The following DSCAML1 variants were observed in gnomAD, a reference collection of about 807,000 sequenced individuals.
The protein encoded by DSCAML1 is DS cell adhesion molecule like 1.
Under a neutral mutation model 200.5 loss-of-function variants are expected in DSCAML1, and 38 were observed. The observed-to-expected ratio is 0.19, with a 90% confidence interval of 0.15 to 0.25. The LOEUF is 0.25. Ranked by LOEUF, DSCAML1 falls within the 10% of genes least tolerant of loss-of-function variation. DSCAML1 has a pLI of 1.00. For missense variants in DSCAML1, 2,223 were observed against 2,858.8 expected (o/e 0.78, Z 5.07); for synonymous variants, 1,215 against 1,165.0 (o/e 1.04, Z -0.87).
chr11:117,689,414 G>T (rs901838030), intron 3 of DSCAML1, among the ~76,000 whole-genome samples: 2 of 152,210 alleles, frequency 1.3e-5, no homozygotes, highest in African/African-American at 4.8e-5. Flanking sequence ...AAACCTTCGG[G>T]GATTTGTAGG....
chr11:117,531,681 C>G (rs1344653003), intron 4 of DSCAML1, among the ~76,000 whole-genome samples: 11 of 151,972 alleles, frequency 7.2e-5, no homozygotes, highest in African/African-American at 2.7e-4. Context: ...GTCAGGAGTT[C>G]AAGACCGGCC....
intron 3 of DSCAML1, among the ~76,000 whole-genome samples, chr11:117,672,564 G>A (rs1431641726): frequency 6.6e-6 from 1 of 152,220 alleles, no homozygotes; most frequent in African/African-American, 2.4e-5. Flanking sequence ...ACAGTTCCCA[G>A]CGACGCAATC....
intron 20 of DSCAML1, among the ~76,000 whole-genome samples, chr11:117,445,318 G>C (rs1231706852): frequency 6.8e-6 from 1 of 147,358 alleles, no homozygotes; most frequent in East Asian, 1.9e-4. Flanking sequence ...GTCTGGCCTT[G>C]AATCCAGGAG....
At chr11:117,703,682 T>C (rs650162) in intron 3 of DSCAML1, among the ~76,000 whole-genome samples, 139,302 of 152,278 alleles carry the variant, frequency 0.91, 64,114 homozygotes, top group Non-Finnish European at 0.97. Flanking sequence ...TTACATCCTT[T>C]AAAAGGCAGC....
At chr11:117,566,358 T>G (rs4999136) in intron 3 of DSCAML1, among the ~76,000 whole-genome samples, 3 of 73,118 alleles carry the variant, frequency 4.1e-5, no homozygotes, top group Non-Finnish European at 8.7e-5. Context: ...CTCTCTCTCT[T>G]TTTTTTTTTT....
chr11:117,717,848 C>G (rs994349559), intron 3 of DSCAML1, among the ~76,000 whole-genome samples: 3 of 152,190 alleles, frequency 2.0e-5, no homozygotes, highest in Non-Finnish European at 4.4e-5. Flanking sequence ...AAAACACACC[C>G]CTTTGGCCCA....
At chr11:117,474,481 G>A (rs1012544733) in intron 14 of DSCAML1, among the ~76,000 whole-genome samples, 5 of 151,944 alleles carry the variant, frequency 3.3e-5, no homozygotes, top group African/African-American at 7.3e-5. Context: ...TCATCTCTGC[G>A]CAGATACCTC....
intron 11 of DSCAML1, among the ~76,000 whole-genome samples, chr11:117,492,243 G>A: frequency 6.6e-6 from 1 of 152,212 alleles, no homozygotes; most frequent in East Asian, 1.9e-4. Context: ...GGGATTGGAA[G>A]AAGGGCAGCA....
chr11:117,504,114 A>G lies in DSCAML1; in HGVS notation c.2183-93T>C. On this transcript the variant is annotated intron_variant, in intron 10 of 32. Coordinates refer to ENST00000651296, the MANE Select transcript of DSCAML1 (RefSeq NM_020693.4). The surrounding 1 kb of genome is among the most constrained non-coding windows in gnomAD (Gnocchi z 5.0). ...TGGCCCTGACACCTCGCTCTTGCAGATCTAGGGCCATTTTGTAGCAGAGCT... is the reference window on the plus strand; with the variant it reads ...TGGCCCTGACACCTCGCTCTTGCAGGTCTAGGGCCATTTTGTAGCAGAGCT... 1 of 1,422,616 alleles carries G rather than the reference A, an allele frequency of 7.0e-7. No homozygotes were observed. Among genetic ancestry groups the G allele is most frequent in the Non-Finnish European group, 9.6e-7 (1 of 1,037,408 alleles). 88.1% of individuals were successfully genotyped at this position (1,422,616 alleles called of 1,614,324 possible).
At chr11:117,541,457 CT>C (rs2050267371) in intron 3 of DSCAML1, among the ~76,000 whole-genome samples, 1 of 152,204 alleles carries the variant, frequency 6.6e-6, no homozygotes. Flanking sequence ...GAGGAGGCAT[CT>C]CCACATGGGG....
Position 117,521,254 on chromosome 11 carries a change from G to A in DSCAML1, c.1089C>T (p.Ile363=), listed in dbSNP as rs145819379. ...ELVLPDEAIS[I]RGLSNETLLI... ...GCAGCGTCTCGTTGCTGAGCCCGCG[G>A]ATGGAGATGGCCTCGTCAGGCAGCA... Residue 363 remains isoleucine, a synonymous_variant, in exon 6 of 33, where the codon ATC becomes ATT. Coordinates refer to ENST00000651296, the MANE Select transcript of DSCAML1 (RefSeq NM_020693.4). 2.8e-4 allele frequency: 453 copies of A among 1,614,072 alleles called. No homozygotes were observed. Among genetic ancestry groups the A allele is most frequent in the Non-Finnish European group, 3.6e-4 (430 of 1,180,032 alleles).
intron 3 of DSCAML1, among the ~76,000 whole-genome samples, chr11:117,577,273 C>A (rs2050948930): frequency 6.6e-6 from 1 of 152,216 alleles, no homozygotes; most frequent in Non-Finnish European, 1.5e-5. Context: ...CCTGGCCCTG[C>A]TCTCAGTGTT....
chr11:117,631,036 T>TG (rs1355078569), intron 3 of DSCAML1, among the ~76,000 whole-genome samples: 4 of 152,068 alleles, frequency 2.6e-5, no homozygotes, highest in African/African-American at 9.7e-5. Context: ...AACATAAACA[T>TG]GAAATTCTAA....
intron 1 of DSCAML1, among the ~76,000 whole-genome samples, chr11:117,794,655 T>G (rs1162969160): frequency 6.6e-6 from 1 of 152,036 alleles, no homozygotes; most frequent in African/African-American, 2.4e-5. Flanking sequence ...TACATTTTCC[T>G]TGGTGCCGCG....
intron 29 of DSCAML1, 137 bp downstream of exon 29, chr11:117,433,001 T>G: frequency 1.4e-6 from 1 of 736,406 alleles, no homozygotes; most frequent in South Asian, 1.6e-5. Context: ...CAGTGAGTTC[T>G]AAGGTTGTTG....
At chr11:117,572,820 C>A (rs1591280291) in intron 3 of DSCAML1, among the ~76,000 whole-genome samples, 1 of 152,322 alleles carries the variant, frequency 6.6e-6, no homozygotes, top group South Asian at 2.1e-4. Context: ...TTCTCTCAGG[C>A]TCTGGCCCAC....
intron 1 of DSCAML1, among the ~76,000 whole-genome samples, chr11:117,815,729 A>T (rs550631620): frequency 2.0e-5 from 3 of 151,878 alleles, no homozygotes; most frequent in South Asian, 4.1e-4. Context: ...CTGGGCCTCC[A>T]CTGTTCCAGG....
At chr11:117,736,521 G>T (rs1181112934) in intron 3 of DSCAML1, among the ~76,000 whole-genome samples, 1 of 152,200 alleles carries the variant, frequency 6.6e-6, no homozygotes, top group Admixed American at 6.5e-5. Flanking sequence ...AAGAGGTGTG[G>T]ACCCAAGAGG....
At chr11:117,653,763 A>G (rs550502292) in intron 3 of DSCAML1, among the ~76,000 whole-genome samples, 5 of 152,352 alleles carry the variant, frequency 3.3e-5, no homozygotes, top group African/African-American at 9.6e-5. Context: ...AAGAATGTTT[A>G]TAGCAGCATT....
Sources: gnomAD v4.1 joint callset for allele counts (sites outside exome capture counted in the v4.1 genomes callset) on GRCh38, gnomAD v4.1.1 for gene constraint, Gnocchi (gnomAD v3.1) non-coding constraint, MANE v1.5 for transcripts, NCBI Gene and HGNC (gene_info 2026-07-23, HGNC 2026-07-21) for gene names.